The following TBCE variants were observed in gnomAD, a reference collection of about 807,000 sequenced individuals.
TBCE encodes the protein tubulin folding cofactor E, also known as tubulin-specific chaperone E.
Under a neutral mutation model 77.0 loss-of-function variants are expected in TBCE, and 53 were observed. The observed-to-expected ratio is 0.69, with a 90% CI of 0.55 to 0.87. The LOEUF is 0.87. TBCE is among the 40% of genes least tolerant of loss of function. The pLI is 0.00. For synonymous variants in TBCE, 235 were observed against 241.3 expected, an observed-to-expected ratio of 0.97 and a Z score of 0.24; for missense variants, 624 against 622.4, an observed-to-expected ratio of 1.00 and a Z score of -0.03.
intron 2 of TBCE, among the ~76,000 whole-genome samples, chr1:235,392,400 ATTT>A (rs557817776): frequency 5.6e-5 from 3 of 54,030 alleles, no homozygotes; most frequent in Admixed American, 5.2e-4. Flanking sequence ...GCTGAACAGA[ATTT>A]TTTTTTTTTT....
At chr1:235,406,319 A>G (rs908302713) in intron 3 of TBCE, among the ~76,000 whole-genome samples, 1 of 152,226 alleles carries the variant, frequency 6.6e-6, no homozygotes, top group Non-Finnish European at 1.5e-5. Flanking sequence ...TAAGGTAAAT[A>G]TAGTAATCTC....
rs1677165607 is a variant in TBCE, at chr1:235,374,426, T to C, written c.-31-5593T>C. On this transcript the variant is annotated intron_variant, in intron 1 of 16. Coordinates refer to ENST00000642610, the MANE Select transcript of TBCE (RefSeq NM_003193.5). ...GAGGGTTTAAGGAGCTGGAAATGTT[T>C]ACCCTGGTAGAGAGGTTTGGGAGAT... 1.4e-5 allele frequency among the ~76,000 whole-genome samples: 2 copies of C among 146,382 alleles called. 1 individual carries two copies. The highest frequency in any genetic ancestry group is 3.0e-5 in the Non-Finnish European group (2 of 66,772).
rs185392484 is a variant in TBCE at position 235,447,929 on chromosome 1, C to G, written c.1400-420C>G. Among the ~76,000 whole-genome samples, 471 of 151,896 alleles carry G rather than the reference C, an allele frequency of 3.1e-3. 3 individuals are homozygous for G. The highest frequency in any genetic ancestry group is 6.8e-3 in the Middle Eastern group (2 of 294). The stretch of plus-strand genomic sequence containing the variant: ...AGTGACTTGGGTAAAATGAAAGATA[C>G]AGCCAGGCGCTGGGCTCATGCTTGT... On this transcript the variant is annotated intron_variant, in intron 15 of 16. Transcript: ENST00000642610.
intron 2 of TBCE, among the ~76,000 whole-genome samples, chr1:235,394,025 C>A (rs1224309434): frequency 6.6e-6 from 1 of 152,134 alleles, no homozygotes; most frequent in African/African-American, 2.4e-5. Context: ...TTGTAGTTTA[C>A]TTATTACTAG....
intron 4 of TBCE, among the ~76,000 whole-genome samples, chr1:235,418,149 C>T (rs368732067): frequency 6.6e-6 from 1 of 152,158 alleles, no homozygotes; most frequent in Non-Finnish European, 1.5e-5. Flanking sequence ...ATCCACATTG[C>T]GGCATATGTC....
At chr1:235,396,927 G>C (rs1191506859) in intron 2 of TBCE, among the ~76,000 whole-genome samples, 1 of 151,760 alleles carries the variant, frequency 6.6e-6, no homozygotes, top group Non-Finnish European at 1.5e-5. Context: ...CTCCCATTCT[G>C]TGAGTTGTCT....
chr1:235,393,219 T>TTA (rs1678498530), intron 2 of TBCE, among the ~76,000 whole-genome samples: 1 of 152,200 alleles, frequency 6.6e-6, no homozygotes, highest in Non-Finnish European at 1.5e-5. Context: ...ATATACTGAG[T>TTA]TATAATGCTA....
At chr1:235,377,326 C>T (rs765965377) in intron 1 of TBCE, among the ~76,000 whole-genome samples, 41 of 151,986 alleles carry the variant, frequency 2.7e-4, no homozygotes, top group Admixed American at 7.2e-4. Context: ...ACTACAGGCG[C>T]GCACTACATG....
At chr1:235,389,444 C>T (rs1299923552) in intron 2 of TBCE, among the ~76,000 whole-genome samples, 1 of 152,150 alleles carries the variant, frequency 6.6e-6, no homozygotes, top group Non-Finnish European at 1.5e-5. Context: ...TCTCCTGCCT[C>T]AGCCTCCCGA....
At chr1:235,378,018 A>G (rs1052812229) in intron 1 of TBCE, among the ~76,000 whole-genome samples, 2 of 152,114 alleles carry the variant, frequency 1.3e-5, no homozygotes, top group East Asian at 3.9e-4. Context: ...AAGGCCTCAG[A>G]TATCTATATA....
chr1:235,415,587 A>G (rs1680064601), intron 4 of TBCE: 1 of 152,196 alleles, frequency 6.6e-6, no homozygotes, highest in Non-Finnish European at 1.5e-5. Context: ...CTCTAAAAGA[A>G]TTAAGCTATA....
Position 235,449,440 on chromosome 1 carries a change from A to G in TBCE, c.*678A>G, listed in dbSNP as rs1171102559. 2.0e-5 allele frequency: 3 copies of G among 153,464 alleles called. No homozygotes were observed. The highest frequency in any genetic ancestry group is 1.9e-4 in the East Asian group (1 of 5,238). The allele number at this position is 153,464 out of a possible 1,614,324, so 9.5% of individuals were successfully genotyped here. A position where few individuals can be genotyped will look rare whatever the true frequency, so the allele number is the denominator to read the frequency against. ...ACAAAATTTAGAAATATCCTTCCCG[A>G]TGGCACTAAAACCCTGAGAGGTATT... On this transcript the variant is annotated 3_prime_UTR_variant, in exon 17 of 17. Transcript: ENST00000642610.
rs941967197 is a variant in TBCE at position 235,436,657 on chromosome 1, C to T, written c.963+49C>T. 6.5e-6 allele frequency: 10 copies of T among 1,528,698 alleles called. No individual in the cohort carries two copies. In the Admixed American group the frequency reaches 1.7e-4, roughly 26 times the overall value. The allele number at this position is 1,528,698 out of a possible 1,614,324, so 94.7% of individuals were successfully genotyped here. On this transcript the variant is annotated intron_variant, in intron 11 of 16. Transcript: ENST00000642610. ...CAGCACACTGTTGCCTCTTTCCACT[C>T]TCATGGCAGAGTTTGGAGGTTCCTT...
chr1:235,384,648 G>C (rs1325263103), intron 2 of TBCE, among the ~76,000 whole-genome samples: 1 of 151,148 alleles, frequency 6.6e-6, no homozygotes, highest in Non-Finnish European at 1.5e-5. Flanking sequence ...TATTTCTGTG[G>C]GATCGGTGGT....
rs1428728440 is a variant in TBCE, at chr1:235,450,253, T to C, written c.*1491T>C. On this transcript the variant is annotated 3_prime_UTR_variant, in exon 17 of 17. Coordinates refer to ENST00000642610, the MANE Select transcript of TBCE (RefSeq NM_003193.5). ...GGATCACCGCACCGTTCCTTCAGTT[T>C]CCACAGTTCCGTCAGTTCCCACGGA... The C allele has an allele frequency of 3.7e-6, 6 of 1,614,054 alleles. No homozygotes were observed. The highest frequency in any genetic ancestry group is 5.1e-6 in the Non-Finnish European group (6 of 1,180,014).
In TBCE at chr1:235,449,125, A is replaced by AAAC; in HGVS notation, c.*364_*366dup. 7.1e-6 allele frequency: 2 copies of AAAC among 281,896 alleles called. No individual in the cohort carries two copies. Among genetic ancestry groups the AAAC allele is most frequent in the South Asian group, 7.3e-5 (2 of 27,402 alleles). The allele number at this position is 281,896 out of a possible 1,614,324, so 17.5% of individuals were successfully genotyped here. A position where few individuals can be genotyped will look rare whatever the true frequency, so the allele number is the denominator to read the frequency against. On this transcript the variant is annotated 3_prime_UTR_variant, in exon 17 of 17. Transcript: ENST00000642610. Reference sequence around the variant, plus strand: ...CTAGTTTTAATGGAATTCTCTATTGAAACTACTATTTTAAAGGGTTACTAG... The same window carrying AAAC: ...CTAGTTTTAATGGAATTCTCTATTGAAACAACTACTATTTTAAAGGGTTACTAG...
In TBCE at chr1:235,373,804, A is replaced by ATG. The variant is rs1420238316; in HGVS notation, c.-31-6215_-31-6214insTG. ...GCTGGGACTACAAGCGCCCGCCACC[A>ATG]CGCCTGGCTAATTTTTTTGTATTTT... On this transcript the variant is annotated intron_variant, in intron 1 of 16. Coordinates refer to ENST00000642610, the MANE Select transcript of TBCE (RefSeq NM_003193.5). 9.0e-5 allele frequency among the ~76,000 whole-genome samples: 13 copies of ATG among 145,080 alleles called. 1 individual carries two copies. The highest frequency in any genetic ancestry group is 1.7e-4 in the Non-Finnish European group (11 of 66,214).
At chr1:235,433,170 G>T (rs1681206025) in intron 7 of TBCE, 2 of 1,345,392 alleles carry the variant, frequency 1.5e-6, no homozygotes, top group Admixed American at 2.9e-5. Context: ...TTTGCAGGAT[G>T]GGTGAGTCAG....
chr1:235,440,122 C>T (rs554816290), intron 13 of TBCE, among the ~76,000 whole-genome samples: 208 of 152,276 alleles, frequency 1.4e-3, no homozygotes, highest in South Asian at 9.1e-3. Context: ...AGGCGCCCAC[C>T]ACCACACCCG....
Sources: allele counts gnomAD v4.1 joint callset (sites outside exome capture counted in the v4.1 genomes callset), GRCh38; gene constraint gnomAD v4.1.1; transcripts MANE v1.5; gene names NCBI Gene and HGNC (gene_info 2026-07-23, HGNC 2026-07-21).